TM6SF1: variants seen among roughly 807,000 people sequenced by gnomAD.
The protein encoded by TM6SF1 is transmembrane 6 superfamily member 1.
A neutral mutation model predicts 47.1 loss-of-function variants in TM6SF1; 43 were observed. The observed-to-expected ratio is 0.91, with a 90% CI of 0.72 to 1.18. TM6SF1 has a LOEUF of 1.18. TM6SF1 is among the 50% of genes most tolerant of loss of function. TM6SF1 has a pLI of 0.00. For synonymous variants in TM6SF1, 177 were observed against 166.3 expected (o/e 1.06, Z -0.49); for missense variants, 390 against 449.0 (o/e 0.87, Z 1.19).
At chr15:83,118,783 C>G (rs1384122980) in intron 3 of TM6SF1, among the ~76,000 whole-genome samples, 5 of 152,098 alleles carry the variant, frequency 3.3e-5, no homozygotes, top group Admixed American at 6.5e-5. Context: ...GGGGCCAAAA[C>G]AACAGTAAAA....
chr15:83,127,050 C>T (rs1420324086), intron 8 of TM6SF1, among the ~76,000 whole-genome samples: 4 of 151,952 alleles, frequency 2.6e-5, no homozygotes, highest in South Asian at 2.1e-4. Context: ...AAAAACTAGC[C>T]GGGCATGGTG....
chr15:83,115,423 C>A (rs2034568398), intron 2 of TM6SF1: 1 of 336,072 alleles, frequency 3.0e-6, no homozygotes, highest in Non-Finnish European at 5.8e-6. Flanking sequence ...CAGCCTGAAT[C>A]ATTGTCTTAA....
At chr15:83,124,444 C>T (rs887070906) in intron 6 of TM6SF1, among the ~76,000 whole-genome samples, 2 of 152,094 alleles carry the variant, frequency 1.3e-5, no homozygotes, top group Non-Finnish European at 2.9e-5. Flanking sequence ...CATAGAGCTA[C>T]AAGAGCCCTT....
intron 7 of TM6SF1, among the ~76,000 whole-genome samples, chr15:83,126,370 A>G (rs769215420): frequency 6.6e-6 from 1 of 152,204 alleles, no homozygotes; most frequent in Non-Finnish European, 1.5e-5. Context: ...AAATCTTGCA[A>G]TGCATAGTAA....
At chr15:83,126,223 G>A (rs1382537243) in intron 7 of TM6SF1, among the ~76,000 whole-genome samples, 1 of 152,142 alleles carries the variant, frequency 6.6e-6, no homozygotes, top group African/African-American at 2.4e-5. Flanking sequence ...CCTGAGGGGA[G>A]GAAGGTGACT....
intron 1 of TM6SF1, chr15:83,111,837 T>A (rs961594636): frequency 8.8e-6 from 2 of 226,796 alleles, no homozygotes; most frequent in African/African-American, 4.7e-5. Context: ...TTCCTCCATG[T>A]AGGCAGGGAC....
chr15:83,114,051 C>T (rs1190071512), intron 2 of TM6SF1: 9 of 152,312 alleles, frequency 5.9e-5, no homozygotes, highest in Non-Finnish European at 1.3e-4. Flanking sequence ...ATTAGATGAG[C>T]TGGGTCCGTC....
At chr15:83,120,294 G>C (rs1053418598) in intron 4 of TM6SF1, among the ~76,000 whole-genome samples, 1 of 152,198 alleles carries the variant, frequency 6.6e-6, no homozygotes, top group South Asian at 2.1e-4. Flanking sequence ...CCAACCACAG[G>C]AGCTTCTGCA....
At chr15:83,112,366 A>G (rs1343724550) in intron 1 of TM6SF1, among the ~76,000 whole-genome samples, 1 of 152,102 alleles carries the variant, frequency 6.6e-6, no homozygotes, top group African/African-American at 2.4e-5. Context: ...TATTCCTTGG[A>G]GCTCAGTCTG....
intron 5 of TM6SF1, 67 bp from the exon 6 acceptor site, chr15:83,122,690 T>C: frequency 6.4e-7 from 1 of 1,556,394 alleles, no homozygotes; most frequent in Non-Finnish European, 8.7e-7. Context: ...GATGGGGAGG[T>C]ATCCTAAATA....
At chr15:83,122,110 T>C (rs1407331938) in intron 5 of TM6SF1, 107 bp downstream of exon 5, 1 of 918,402 alleles carries the variant, frequency 1.1e-6, no homozygotes, top group Non-Finnish European at 1.7e-6. Flanking sequence ...ATTCCAAGCT[T>C]ACTAAAAACC....
intron 9 of TM6SF1, chr15:83,130,785 C>T (rs2036175911): frequency 6.6e-6 from 1 of 152,204 alleles, no homozygotes; most frequent in Admixed American, 6.5e-5. Context: ...GTATCTGACA[C>T]ATTCATCACA....
chr15:83,118,303 G>C (rs2034890216), intron 3 of TM6SF1, among the ~76,000 whole-genome samples: 1 of 151,960 alleles, frequency 6.6e-6, no homozygotes. Flanking sequence ...AAGATGGAAG[G>C]CTGGTTGAGG....
chr15:83,107,980 C>A lies in TM6SF1; in HGVS notation c.92+208C>A. On this transcript the variant is annotated intron_variant, in intron 1 of 9. Transcript: ENST00000322019. The surrounding 1 kb of genome is among the most constrained non-coding windows in gnomAD (Gnocchi z 5.6). ...GGTCTTGGAGCCGGGCCCTGAGGTG[C>A]CCAGGCTGGCGCATTTCGGGATGTT... The A allele has an allele frequency of 9.6e-7, 1 of 1,040,286 alleles. No individual in the cohort carries two copies. Among genetic ancestry groups the A allele is most frequent in the Non-Finnish European group, 1.3e-6 (1 of 797,788 alleles). The allele number at this position is 1,040,286 out of a possible 1,614,324, so 64.4% of individuals were successfully genotyped here.
At chr15:83,111,357 T>G (rs1190323587) in intron 1 of TM6SF1, among the ~76,000 whole-genome samples, 2 of 151,754 alleles carry the variant, frequency 1.3e-5, no homozygotes, top group African/African-American at 2.4e-5. Flanking sequence ...CATCAATTCA[T>G]CCATCATCCA....
intron 2 of TM6SF1, chr15:83,115,186 C>T (rs557392886): frequency 1.5e-4 from 23 of 156,530 alleles, no homozygotes; most frequent in African/African-American, 4.6e-4. Flanking sequence ...GGTGTGATCT[C>T]GGCTCACTGC....
At chr15:83,136,393 G>C in intron 9 of TM6SF1, 88 bp from the exon 10 acceptor site, 1 of 1,175,714 alleles carries the variant, frequency 8.5e-7, no homozygotes. Context: ...GCACAGAAAC[G>C]TAGCCTGAAT....
At chr15:83,116,559 C>T (rs757907079) in intron 3 of TM6SF1, among the ~76,000 whole-genome samples, 20 of 152,142 alleles carry the variant, frequency 1.3e-4, no homozygotes, top group Non-Finnish European at 2.5e-4. Context: ...TTTGTATGTA[C>T]GCTGTGGGAG....
intron 5 of TM6SF1, among the ~76,000 whole-genome samples, chr15:83,122,254 A>C (rs1016025204): frequency 1.3e-5 from 2 of 152,138 alleles, no homozygotes; most frequent in Non-Finnish European, 2.9e-5. Flanking sequence ...TTTTAGAAGG[A>C]TCTTGAGGGA....
Sources: gnomAD v4.1 joint callset for allele counts (sites outside exome capture counted in the v4.1 genomes callset) on GRCh38, gnomAD v4.1.1 for gene constraint, Gnocchi (gnomAD v3.1) non-coding constraint, MANE v1.5 for transcripts, NCBI Gene and HGNC (gene_info 2026-07-23, HGNC 2026-07-21) for gene names.